Variants in CDKAL1 observed in about 807,000 individuals in gnomAD.
CDKAL1 encodes threonylcarbamoyladenosine tRNA methylthiotransferase.
A neutral mutation model predicts 68.2 loss-of-function variants in CDKAL1; 32 were observed. The ratio of observed to expected loss-of-function variants is 0.47; its 90% CI spans 0.35 to 0.63. The LOEUF (loss-of-function observed/expected upper bound fraction) is 0.63, where lower values mean the gene tolerates loss of function less well. CDKAL1 is among the 30% of genes least tolerant of loss of function. CDKAL1 has a pLI of 0.00. For missense variants in CDKAL1, 606 were observed against 696.7 expected, an observed-to-expected ratio of 0.87 and a Z score of 1.47; for synonymous variants, 234 against 244.3, an observed-to-expected ratio of 0.96 and a Z score of 0.39.
intron 9 of CDKAL1, among the ~76,000 whole-genome samples, chr6:20,895,749 G>A (rs950001978): frequency 6.6e-6 from 1 of 152,144 alleles, no homozygotes; most frequent in Non-Finnish European, 1.5e-5. Context: ...TGGAAAGAAA[G>A]GGAATGGCTT....
At chr6:21,187,009 C>T (rs1778041910) in intron 13 of CDKAL1, among the ~76,000 whole-genome samples, 1 of 152,126 alleles carries the variant, frequency 6.6e-6, no homozygotes, top group Admixed American at 6.5e-5. Context: ...ATTATCATTT[C>T]AGCCTGTATT....
chr6:20,554,231 G>A (rs1763948450), intron 4 of CDKAL1, among the ~76,000 whole-genome samples: 1 of 152,236 alleles, frequency 6.6e-6, no homozygotes, highest in African/African-American at 2.4e-5. Context: ...TACTTGTATC[G>A]TGGGTACATG....
chr6:21,158,236 A>G (rs988164603), intron 13 of CDKAL1, among the ~76,000 whole-genome samples: 3 of 152,102 alleles, frequency 2.0e-5, no homozygotes, highest in Non-Finnish European at 4.4e-5. Context: ...CTTTCATCCA[A>G]CCTTTATTGA....
At chr6:20,909,617 C>T (rs868738935) in intron 9 of CDKAL1, among the ~76,000 whole-genome samples, 5 of 152,220 alleles carry the variant, frequency 3.3e-5, no homozygotes, top group South Asian at 4.1e-4. Flanking sequence ...ATTTTTTCAG[C>T]GTTGGAAACA....
chr6:20,551,564 G>A (rs1763830202), intron 4 of CDKAL1, among the ~76,000 whole-genome samples: 1 of 151,320 alleles, frequency 6.6e-6, no homozygotes, highest in African/African-American at 2.4e-5. Context: ...TAGAGACGGG[G>A]TTTCACCGTG....
chr6:21,214,327 A>G (rs898692365), intron 15 of CDKAL1, among the ~76,000 whole-genome samples: 2 of 151,992 alleles, frequency 1.3e-5, no homozygotes, highest in Admixed American at 6.6e-5. Flanking sequence ...ATATATATAT[A>G]TACATACCAT....
At chr6:21,122,032 G>A (rs1044148117) in intron 13 of CDKAL1, among the ~76,000 whole-genome samples, 2 of 152,100 alleles carry the variant, frequency 1.3e-5, no homozygotes, top group Non-Finnish European at 2.9e-5. Context: ...AAATAACTAA[G>A]CCCTATGGAG....
At chr6:20,846,033 CT>C in intron 8 of CDKAL1, 41 bp from the exon 9 acceptor site, 1 of 1,276,756 alleles carries the variant, frequency 7.8e-7, no homozygotes, top group South Asian at 1.3e-5. Flanking sequence ...TATATGCTAT[CT>C]TTAGAAATTT....
At chr6:20,797,503 G>T (rs1032797583) in intron 8 of CDKAL1, among the ~76,000 whole-genome samples, 1 of 152,152 alleles carries the variant, frequency 6.6e-6, no homozygotes, top group Non-Finnish European at 1.5e-5. Flanking sequence ...TATGAGAAAT[G>T]AAAACGTAAG....
intron 11 of CDKAL1, among the ~76,000 whole-genome samples, chr6:21,045,743 C>T (rs1203700208): frequency 6.6e-6 from 1 of 152,110 alleles, no homozygotes; most frequent in Non-Finnish European, 1.5e-5. Context: ...ATCCTCAGTG[C>T]CCTTGTTTTT....
Position 21,181,588 on chromosome 6 carries a change from A to G in CDKAL1, c.1300-16433A>G, listed in dbSNP as rs77054945. On this transcript the variant is annotated intron_variant, in intron 13 of 15. Coordinates refer to ENST00000274695, the MANE Select transcript of CDKAL1 (RefSeq NM_017774.3). ...ATGAGAAAATAAATACATTTTCTTT[A>G]TAAATTATCCAGTCTCAGGTATTCT... Among the ~76,000 whole-genome samples the G allele has an allele frequency of 2.1e-3, 319 of 152,312 alleles. 2 individuals carry two copies. Among genetic ancestry groups the G allele is most frequent in the African/African-American group, 7.5e-3 (310 of 41,574 alleles).
intron 15 of CDKAL1, among the ~76,000 whole-genome samples, chr6:21,216,463 G>A (rs1018803518): frequency 1.3e-5 from 2 of 151,922 alleles, no homozygotes; most frequent in African/African-American, 4.8e-5. Flanking sequence ...GAAAGATCCG[G>A]TCTCCAGAAA....
intron 13 of CDKAL1, among the ~76,000 whole-genome samples, chr6:21,119,660 A>G (rs1774602429): frequency 6.6e-6 from 1 of 152,052 alleles, no homozygotes; most frequent in African/African-American, 2.4e-5. Context: ...ATCTTCTTAT[A>G]CCATTCTTTA....
At chr6:20,899,805 T>C (rs371663898) in intron 9 of CDKAL1, among the ~76,000 whole-genome samples, 1 of 152,194 alleles carries the variant, frequency 6.6e-6, no homozygotes, top group Non-Finnish European at 1.5e-5. Flanking sequence ...ATCATGCCAC[T>C]GTACTCCAAC....
intron 15 of CDKAL1, among the ~76,000 whole-genome samples, chr6:21,203,181 C>T (rs2151110724): frequency 7.2e-6 from 1 of 138,566 alleles, no homozygotes; most frequent in South Asian, 2.3e-4. Flanking sequence ...TCCTGAGTAG[C>T]TGGGACTATA....
At chr6:20,538,497 G>C (rs562127744) in intron 2 of CDKAL1, among the ~76,000 whole-genome samples, 1 of 152,212 alleles carries the variant, frequency 6.6e-6, no homozygotes, top group East Asian at 1.9e-4. Context: ...AGCAACTTCT[G>C]CTTCTCTAAC....
intron 12 of CDKAL1, among the ~76,000 whole-genome samples, chr6:21,073,396 T>A (rs941897576): frequency 5.3e-5 from 8 of 152,180 alleles, no homozygotes; most frequent in African/African-American, 1.9e-4. Flanking sequence ...GAAGTATGTT[T>A]ATAAAAAATT....
intron 11 of CDKAL1, among the ~76,000 whole-genome samples, chr6:21,009,687 G>A (rs1291173549): frequency 6.6e-6 from 1 of 152,144 alleles, no homozygotes; most frequent in South Asian, 2.1e-4. Flanking sequence ...AAATTTTGTC[G>A]TGGCAGCAAC....
intron 13 of CDKAL1, among the ~76,000 whole-genome samples, chr6:21,135,476 T>A (rs1409411506): frequency 6.6e-6 from 1 of 152,194 alleles, no homozygotes; most frequent in African/African-American, 2.4e-5. Context: ...CAGTAAATTT[T>A]AAGAACCAAT....
Sources: gnomAD v4.1 joint callset for allele counts (sites outside exome capture counted in the v4.1 genomes callset) on GRCh38, gnomAD v4.1.1 for gene constraint, MANE v1.5 for transcripts, NCBI Gene and HGNC (gene_info 2026-07-23, HGNC 2026-07-21) for gene names.